KCNT1: variants seen among roughly 807,000 people sequenced by gnomAD.
The protein encoded by KCNT1 is potassium channel subfamily T member 1.
In KCNT1, 78 loss-of-function variants were observed where a neutral mutation model predicts 147.8. That is an observed-to-expected ratio of 0.53 (90% CI 0.44 to 0.64). The LOEUF is 0.64. KCNT1 is among the 30% of genes least tolerant of loss of function. The probability of loss-of-function intolerance (pLI) is 0.00; values close to 1 mark genes in which losing one functional copy is unlikely to be tolerated. For missense variants in KCNT1, 1,419 were observed against 1,750.3 expected (o/e 0.81, Z 3.38); for synonymous variants, 867 against 748.8 (o/e 1.16, Z -2.58).
At chr9:135,783,748 C>T (rs1236650465) in intron 24 of KCNT1, among the ~76,000 whole-genome samples, 1 of 152,256 alleles carries the variant, frequency 6.6e-6, no homozygotes, top group Non-Finnish European at 1.5e-5. Context: ...CCATGGCAGC[C>T]GCCGGGAGTC....
chr9:135,758,069 C>T (rs62583496), intron 9 of KCNT1, among the ~76,000 whole-genome samples: 21,114 of 122,816 alleles, frequency 0.17, 1,321 homozygotes, highest in East Asian at 0.47. Context: ...CCGTGGGCCT[C>T]AGCGGAGACG....
At chr9:135,711,892 C>T (rs1456019066) in intron 1 of KCNT1, among the ~76,000 whole-genome samples, 3 of 152,348 alleles carry the variant, frequency 2.0e-5, no homozygotes, top group South Asian at 4.1e-4. Flanking sequence ...GGCCCTGTTC[C>T]GCGTGCCTCA....
At chr9:135,779,210 ATAG>A in intron 23 of KCNT1, 146 bp from the exon 24 acceptor site, 1 of 273,588 alleles carries the variant, frequency 3.7e-6, no homozygotes, top group Non-Finnish European at 6.4e-6. Flanking sequence ...TGAGACCCCC[ATAG>A]CCAAGACAGT....
Position 135,726,795 on chromosome 9 carries a change from TTC to T in KCNT1, c.254+12088_254+12089del, listed in dbSNP as rs375859667. On this transcript the variant is annotated intron_variant, in intron 2 of 30. Transcript: ENST00000371757. ...TCTTCCTCTCTCTCCGTCTTTCCTATTCTCTCTCTCTCTCCCTCTCTTTCCCA... is the reference window on the plus strand; with the variant it reads ...TCTTCCTCTCTCTCCGTCTTTCCTATTCTCTCTCTCTCCCTCTCTTTCCCA... Among the ~76,000 whole-genome samples the T allele has an allele frequency of 1.1e-3, 105 of 98,726 alleles. 1 individual carries two copies. Among genetic ancestry groups the T allele is most frequent in the African/African-American group, 1.8e-3 (46 of 25,338 alleles). The allele number at this position is 98,726 out of a possible 152,430, so 64.8% of individuals were successfully genotyped here. A position where few individuals can be genotyped will look rare whatever the true frequency, so the allele number is the denominator to read the frequency against.
intron 2 of KCNT1, chr9:135,736,964 G>C: frequency 3.3e-6 from 1 of 304,386 alleles, no homozygotes. Context: ...GCCTTTGAGA[G>C]CCTGCGGGAC....
intron 14 of KCNT1, 56 bp downstream of exon 14, chr9:135,768,729 G>C: frequency 6.5e-7 from 1 of 1,533,308 alleles, no homozygotes; most frequent in Non-Finnish European, 8.8e-7. Context: ...GCCGGGGAGC[G>C]GGGGTCCCTG....
chr9:135,720,624 C>T (rs1437841785), intron 2 of KCNT1, among the ~76,000 whole-genome samples: 1 of 152,170 alleles, frequency 6.6e-6, no homozygotes, highest in Non-Finnish European at 1.5e-5. Flanking sequence ...AGCTTTGCTC[C>T]GCCTCTCTTG....
Position 135,791,849 on chromosome 9 carries a change from G to T in KCNT1, c.3555G>T (p.Pro1185=), listed in dbSNP as rs144068763. The stretch of plus-strand genomic sequence containing the variant: ...TCTCCTACGTCCTCATCAACCCTCC[G>T]CCCGACACGAGGCTGGAGCCCAGTG... The part of the protein sequence containing the change: ...NTLSYVLINP[P]PDTRLEPSDI... The change falls in exon 30 of 31, where the codon CCG becomes CCT. Residue 1185 remains proline, a synonymous_variant. Transcript: ENST00000371757. 5.3e-4 allele frequency: 855 copies of T among 1,613,734 alleles called. 3 individuals carry two copies. Among genetic ancestry groups the T allele is most frequent in the South Asian group, 1.0e-3 (91 of 91,038 alleles).
intron 2 of KCNT1, among the ~76,000 whole-genome samples, chr9:135,743,085 C>T (rs557114178): frequency 1.3e-5 from 2 of 152,122 alleles, no homozygotes; most frequent in Non-Finnish European, 2.9e-5. Flanking sequence ...AGGCGGATGG[C>T]AGAGCAGGGG....
At chr9:135,735,747 G>A (rs1027594002) in intron 2 of KCNT1, among the ~76,000 whole-genome samples, 4 of 152,148 alleles carry the variant, frequency 2.6e-5, no homozygotes, top group Admixed American at 2.6e-4. Flanking sequence ...TCCAGGTCTG[G>A]GGTCAGAGCG....
chr9:135,773,033 G>A (rs1832868979), intron 19 of KCNT1, 84 bp downstream of exon 19: 10 of 960,524 alleles, frequency 1.0e-5, no homozygotes, highest in Non-Finnish European at 1.4e-5. Context: ...CATCCTTGGT[G>A]GTCCCCCATG....
chr9:135,771,399 G>A (rs959292829), intron 18 of KCNT1, among the ~76,000 whole-genome samples: 2 of 152,224 alleles, frequency 1.3e-5, no homozygotes, highest in Non-Finnish European at 2.9e-5. Context: ...AGTCTCTCTG[G>A]GCCTGTTTTT....
chr9:135,778,876 G>GGCCCTC (rs1833373568), intron 23 of KCNT1, 54 bp downstream of exon 23: 2 of 1,591,258 alleles, frequency 1.3e-6, no homozygotes, highest in Non-Finnish European at 8.5e-7. Flanking sequence ...CACGACCACG[G>GGCCCTC]GCCCTCGCCC....
At chr9:135,706,500 G>A (rs1835261734) in intron 1 of KCNT1, among the ~76,000 whole-genome samples, 1 of 152,172 alleles carries the variant, frequency 6.6e-6, no homozygotes, top group Admixed American at 6.5e-5. Context: ...CGTCGCCCTG[G>A]GGCACCTGTG....
chr9:135,706,553 TG>T (rs1835264089), intron 1 of KCNT1, among the ~76,000 whole-genome samples: 1 of 152,234 alleles, frequency 6.6e-6, no homozygotes, highest in Non-Finnish European at 1.5e-5. Flanking sequence ...GAGACACAGC[TG>T]GCCCCTTGGT....
chr9:135,705,503 C>T (rs950935171), intron 1 of KCNT1, among the ~76,000 whole-genome samples: 6 of 152,220 alleles, frequency 3.9e-5, no homozygotes, highest in African/African-American at 4.8e-5. Context: ...GTGTGGGGCC[C>T]GCCAGCCAGC....
At chr9:135,769,013 G>A in intron 15 of KCNT1, 76 bp downstream of exon 15, 3 of 1,146,788 alleles carry the variant, frequency 2.6e-6, no homozygotes, top group Non-Finnish European at 3.8e-6. Context: ...TGGTGCATCT[G>A]GGGCAGGGCG....
At chr9:135,742,210 C>A (rs1302598534) in intron 2 of KCNT1, among the ~76,000 whole-genome samples, 1 of 152,210 alleles carries the variant, frequency 6.6e-6, no homozygotes, top group Non-Finnish European at 1.5e-5. Flanking sequence ...CTGGCGGGTG[C>A]CTCACCCGCT....
chr9:135,770,167 C>CG lies in KCNT1; in HGVS notation c.1619+115dup, dbSNP rs1306536104. 3 of 1,374,564 alleles carry CG rather than the reference C, an allele frequency of 2.2e-6. No individual in the cohort carries two copies. In the African/African-American group the frequency reaches 4.3e-5, roughly 20 times the overall value. The allele number at this position is 1,374,564 out of a possible 1,614,324, so 85.1% of individuals were successfully genotyped here. On this transcript the variant is annotated intron_variant, in intron 16 of 30. Coordinates refer to ENST00000371757, the MANE Select transcript of KCNT1 (RefSeq NM_020822.3). ...GGCTTCCCAGAGGAGGGGCACATGG[C>CG]GGGCAAAAGTCCTGCATAGGGAGGG...
Sources: allele counts gnomAD v4.1 joint callset (sites outside exome capture counted in the v4.1 genomes callset), GRCh38; gene constraint gnomAD v4.1.1; transcripts MANE v1.5; gene names NCBI Gene and HGNC (gene_info 2026-07-23, HGNC 2026-07-21).